CSMD1: variants seen among roughly 807,000 people sequenced by gnomAD.
CSMD1 encodes CUB and sushi domain-containing protein 1.
CSMD1 carries 213 observed loss-of-function variants against 417.5 expected under a neutral mutation model. The ratio of observed to expected loss-of-function variants is 0.51; its 90% CI spans 0.46 to 0.57. The LOEUF (loss-of-function observed/expected upper bound fraction) is 0.57, where lower values mean the gene tolerates loss of function less well. Ranked by LOEUF, CSMD1 falls within the 20% of genes least tolerant of loss-of-function variation. The pLI is 0.00. For missense variants in CSMD1, 6,923 were observed against 4,529.7 expected (o/e 1.53, Z -15.17); for synonymous variants, 2,862 against 1,736.8 (o/e 1.65, Z -16.11).
chr8:3,011,772 T>C (rs1808400382), intron 52 of CSMD1, among the ~76,000 whole-genome samples: 2 of 152,178 alleles, frequency 1.3e-5, no homozygotes, highest in Admixed American at 6.5e-5. Context: ...ATGATGTAAA[T>C]GTTTTCAAAA....
In CSMD1 at chr8:4,976,541, C is replaced by A. The variant is rs1373587879; in HGVS notation, c.85+17791G>T. On this transcript the variant is annotated intron_variant, in intron 1 of 69. Coordinates refer to ENST00000635120, the MANE Select transcript of CSMD1 (RefSeq NM_033225.6). Reference sequence around the variant, plus strand: ...TGGCATGCCTAGCATTCAATACTTACAAAATTATTGGGACTGATTTGTTGT... The same window carrying A: ...TGGCATGCCTAGCATTCAATACTTAAAAAATTATTGGGACTGATTTGTTGT... Among the ~76,000 whole-genome samples the A allele has an allele frequency of 3.3e-5, 5 of 152,276 alleles. No individual in the cohort carries two copies. In the South Asian group the frequency reaches 6.2e-4, roughly 19 times the overall value.
intron 3 of CSMD1, among the ~76,000 whole-genome samples, chr8:4,324,882 C>CCT (rs1799469010): frequency 6.6e-6 from 1 of 152,158 alleles, no homozygotes. Flanking sequence ...GGTCCTGGAT[C>CCT]CTCAAGGCAC....
chr8:3,477,472 G>C (rs879450065), intron 11 of CSMD1, among the ~76,000 whole-genome samples: 1 of 152,220 alleles, frequency 6.6e-6, no homozygotes, highest in Non-Finnish European at 1.5e-5. Flanking sequence ...TAATTGGGTA[G>C]ACACAGGGTG....
chr8:3,139,242 G>C (rs1383396682), intron 41 of CSMD1, among the ~76,000 whole-genome samples: 1 of 152,154 alleles, frequency 6.6e-6, no homozygotes, highest in African/African-American at 2.4e-5. Context: ...GGCCATCATG[G>C]GCTTTGAATC....
At chr8:3,582,338 C>T (rs777238432) in intron 9 of CSMD1, among the ~76,000 whole-genome samples, 11 of 152,204 alleles carry the variant, frequency 7.2e-5, no homozygotes, top group South Asian at 2.1e-4. Context: ...AATCCATTAT[C>T]GGAAGCAAAT....
At chr8:4,737,270 G>C (rs1810303437) in intron 1 of CSMD1, among the ~76,000 whole-genome samples, 1 of 152,084 alleles carries the variant, frequency 6.6e-6, no homozygotes. Flanking sequence ...TCACTTATAA[G>C]TGGGAGCTAA....
At chr8:3,174,636 T>C (rs556275375) in intron 37 of CSMD1, among the ~76,000 whole-genome samples, 2 of 152,378 alleles carry the variant, frequency 1.3e-5, no homozygotes, top group African/African-American at 4.8e-5. Flanking sequence ...TACTGTTTTC[T>C]TTTCAAAAAG....
intron 23 of CSMD1, among the ~76,000 whole-genome samples, 154 bp from the exon 24 acceptor site, chr8:3,308,657 T>C (rs1010226138): frequency 2.0e-5 from 3 of 151,844 alleles, no homozygotes; most frequent in Non-Finnish European, 4.4e-5. Context: ...AAGATGGGTC[T>C]GTACTGGGGC....
At chr8:3,030,160 G>A (rs938701528) in intron 50 of CSMD1, among the ~76,000 whole-genome samples, 1 of 152,050 alleles carries the variant, frequency 6.6e-6, no homozygotes, top group Non-Finnish European at 1.5e-5. Context: ...AATAGTGACA[G>A]CAACAGTAGT....
chr8:4,127,167 T>C (rs570867579), intron 3 of CSMD1, among the ~76,000 whole-genome samples: 1 of 152,132 alleles, frequency 6.6e-6, no homozygotes, highest in South Asian at 2.1e-4. Flanking sequence ...AAACAAAGGA[T>C]ATTTAAAGTT....
At chr8:4,842,059 G>A (rs745844216) in intron 1 of CSMD1, among the ~76,000 whole-genome samples, 5 of 151,838 alleles carry the variant, frequency 3.3e-5, no homozygotes, top group Non-Finnish European at 7.4e-5. Context: ...CAATCAACAT[G>A]TAAATTTCCT....
chr8:4,768,861 C>G (rs7840073), intron 1 of CSMD1, among the ~76,000 whole-genome samples: 66,973 of 152,010 alleles, frequency 0.44, 15,130 homozygotes, highest in Admixed American at 0.59. Flanking sequence ...GTGGCTGAGA[C>G]ATGACTTCCA....
intron 11 of CSMD1, among the ~76,000 whole-genome samples, chr8:3,490,339 T>A (rs1021999780): frequency 1.3e-5 from 2 of 152,206 alleles, no homozygotes; most frequent in African/African-American, 4.8e-5. Context: ...TAGTTTGCAA[T>A]TGCTTTCTTA....
chr8:3,831,704 G>A (rs1802387954), intron 5 of CSMD1, among the ~76,000 whole-genome samples: 1 of 152,074 alleles, frequency 6.6e-6, no homozygotes, highest in South Asian at 2.1e-4. Context: ...GAATGCCAAT[G>A]AATTTACTAT....
intron 1 of CSMD1, among the ~76,000 whole-genome samples, chr8:4,638,190 A>G (rs918437306): frequency 3.9e-5 from 6 of 152,164 alleles, no homozygotes; most frequent in Non-Finnish European, 7.3e-5. Context: ...ATTTGGTGCT[A>G]TCTACATAGT....
chr8:4,327,826 T>C (rs541871800), intron 3 of CSMD1, among the ~76,000 whole-genome samples: 15 of 152,324 alleles, frequency 9.8e-5, no homozygotes, highest in Non-Finnish European at 2.1e-4. Context: ...AAGTATAAAG[T>C]AAGGTACATT....
intron 7 of CSMD1, among the ~76,000 whole-genome samples, chr8:3,626,595 C>A (rs1411597005): frequency 6.6e-6 from 1 of 151,252 alleles, no homozygotes. Flanking sequence ...TTTAGAAAAC[C>A]ATGAGATATG....
intron 5 of CSMD1, 122 bp downstream of exon 5, chr8:3,997,781 A>T (rs1166861006): frequency 1.2e-6 from 1 of 865,268 alleles, no homozygotes; most frequent in African/African-American, 1.7e-5. Flanking sequence ...GAGCAAGGCG[A>T]AAAAAGGAAC....
At chr8:4,953,180 T>G (rs1285997375) in intron 1 of CSMD1, among the ~76,000 whole-genome samples, 1 of 152,188 alleles carries the variant, frequency 6.6e-6, no homozygotes, top group Non-Finnish European at 1.5e-5. Flanking sequence ...AAGTATAAGG[T>G]AGCACTCATT....
Sources: gnomAD v4.1 joint callset for allele counts (sites outside exome capture counted in the v4.1 genomes callset) on GRCh38, gnomAD v4.1.1 for gene constraint, MANE v1.5 for transcripts, NCBI Gene and HGNC (gene_info 2026-07-23, HGNC 2026-07-21) for gene names.